The following SLC7A6 variants were observed in gnomAD, a reference collection of about 807,000 sequenced individuals.
SLC7A6 encodes Y+L amino acid transporter 2.
SLC7A6 carries 29 observed loss-of-function variants against 46.6 expected under a neutral mutation model. The observed-to-expected ratio is 0.62, with a 90% CI of 0.46 to 0.85. The LOEUF is 0.85. SLC7A6 is among the 40% of genes least tolerant of loss of function. The probability of loss-of-function intolerance (pLI) is 0.00; values close to 1 mark genes in which losing one functional copy is unlikely to be tolerated. For synonymous variants in SLC7A6, 276 were observed against 257.3 expected, an observed-to-expected ratio of 1.07 and a Z score of -0.70; for missense variants, 527 against 647.6, an observed-to-expected ratio of 0.81 and a Z score of 2.02.
At chr16:68,281,748 G>T (rs116760460) in intron 3 of SLC7A6, among the ~76,000 whole-genome samples, 1 of 152,338 alleles carries the variant, frequency 6.6e-6, no homozygotes, top group African/African-American at 2.4e-5. Flanking sequence ...CAGAAGGGTG[G>T]TGTTTCTGCC....
chr16:68,297,039 G>C (rs986665257), intron 10 of SLC7A6, among the ~76,000 whole-genome samples, 195 bp from the exon 11 acceptor site: 13 of 152,332 alleles, frequency 8.5e-5, no homozygotes, highest in Middle Eastern at 6.8e-3. Context: ...CTGGGAAGAT[G>C]AGTTGTGCAT....
chr16:68,282,741 CT>C (rs2042852112), intron 3 of SLC7A6, among the ~76,000 whole-genome samples: 1 of 152,058 alleles, frequency 6.6e-6, no homozygotes, highest in African/African-American at 2.4e-5. Context: ...CCTCGGCCTG[CT>C]GATTAGCTGG....
intron 4 of SLC7A6, chr16:68,289,988 A>C (rs1174273663): frequency 5.8e-6 from 1 of 171,590 alleles, no homozygotes; most frequent in Non-Finnish European, 1.3e-5. Context: ...TCTTGACATA[A>C]ATAGGTAGAA....
At chr16:68,291,507 G>A in intron 6 of SLC7A6, 51 bp from the exon 7 acceptor site, 2 of 1,596,642 alleles carry the variant, frequency 1.3e-6, no homozygotes, top group Non-Finnish European at 8.6e-7. Flanking sequence ...AGATGCAGGA[G>A]GATTATGAAA....
At chr16:68,297,151 T>G (rs1597013265) in intron 10 of SLC7A6, 83 bp from the exon 11 acceptor site, 1 of 1,304,850 alleles carries the variant, frequency 7.7e-7, no homozygotes, top group East Asian at 2.3e-5. Context: ...GAGGGAGCCA[T>G]AGATGTTACT....
At chr16:68,280,469 G>A (rs2151220132) in intron 3 of SLC7A6, among the ~76,000 whole-genome samples, 1 of 152,202 alleles carries the variant, frequency 6.6e-6, no homozygotes, top group African/African-American at 2.4e-5. Context: ...TGAATTAGTT[G>A]CCAACATTTG....
chr16:68,287,451 C>A, intron 3 of SLC7A6: 1 of 1,335,006 alleles, frequency 7.5e-7, no homozygotes, highest in Non-Finnish European at 9.8e-7. Flanking sequence ...TGAAATCACC[C>A]ATCCCTGGGC....
intron 7 of SLC7A6, among the ~76,000 whole-genome samples, chr16:68,294,023 G>A (rs1193111585): frequency 2.6e-5 from 4 of 152,090 alleles, no homozygotes; most frequent in South Asian, 2.1e-4. Flanking sequence ...TCAGCCTCCC[G>A]AGTAGCTGGG....
In SLC7A6 at chr16:68,274,685, T is replaced by G; in HGVS notation, c.-36-6T>G. 1.2e-6 allele frequency: 2 copies of G among 1,608,018 alleles called. No individual in the cohort carries two copies. Among genetic ancestry groups the G allele is most frequent in the Non-Finnish European group, 1.7e-6 (2 of 1,175,830 alleles). On this transcript the variant is annotated splice_polypyrimidine_tract_variant and splice_region_variant and intron_variant, in intron 2 of 10. Coordinates refer to ENST00000219343, the MANE Select transcript of SLC7A6 (RefSeq NM_003983.6). Reference sequence around the variant, plus strand: ...CCTAGACTGACATACTTGTATTCTTTGCCAGGCCACAGCAAACACAGGTGT... The same window carrying G: ...CCTAGACTGACATACTTGTATTCTTGGCCAGGCCACAGCAAACACAGGTGT...
At chr16:68,286,354 G>A (rs1467741454) in intron 3 of SLC7A6, among the ~76,000 whole-genome samples, 1 of 152,042 alleles carries the variant, frequency 6.6e-6, no homozygotes, top group East Asian at 1.9e-4. Flanking sequence ...AGGAAGTGGG[G>A]GCTGAACTAG....
At position 68,296,350 on chromosome 16, in the gene SLC7A6, C is replaced by A. The variant is rs1165561812; in HGVS notation, c.1120-14C>A. The A allele has an allele frequency of 4.3e-6, 7 of 1,613,694 alleles. No homozygotes were observed. The South Asian group carries it at 7.7e-5, about 18-fold the overall frequency. ...GTGACGATGCTCACCTGTCTCCCCA[C>A]CCCTTTCCCACAGTGCACCATGGCA... On this transcript the variant is annotated splice_polypyrimidine_tract_variant and intron_variant, in intron 8 of 10. Transcript: ENST00000219343.
chr16:68,274,901 A>C lies in SLC7A6; in HGVS notation c.175A>C (p.Ile59Leu), dbSNP rs966353737. 1 of 1,614,072 alleles carries C rather than the reference A, an allele frequency of 6.2e-7. No individual in the cohort carries two copies. Among genetic ancestry groups the C allele is most frequent in the Non-Finnish European group, 8.5e-7 (1 of 1,180,034 alleles). Residue 59 changes from isoleucine (I) to leucine (L), a missense_variant, in exon 3 of 11, where the codon ATC becomes CTC. Coordinates refer to ENST00000219343, the MANE Select transcript of SLC7A6 (RefSeq NM_003983.6). ...NGVSLVVGNM[I>L]GSGIFVSPKG... ...GGTCAGCCTGGTGGTGGGCAACATG[A>C]TCGGCTCAGGGATCTTTGTCTCACC... is the stretch of plus-strand genomic sequence containing the variant.
chr16:68,274,651 AGCTCCT>A, intron 2 of SLC7A6, 34 bp from the exon 3 acceptor site: 1 of 1,550,438 alleles, frequency 6.4e-7, no homozygotes, highest in Non-Finnish European at 8.8e-7. Flanking sequence ...GAGCCTCACC[AGCTCCT>A]GCCCTAGACT....
chr16:68,301,265 C>G lies in SLC7A6; in HGVS notation c.*3937C>G, dbSNP rs1185506330. 1 of 1,613,874 alleles carries G rather than the reference C, an allele frequency of 6.2e-7. No individual in the cohort carries two copies. The highest frequency in any genetic ancestry group is 8.5e-7 in the Non-Finnish European group (1 of 1,179,822). On this transcript the variant is annotated 3_prime_UTR_variant, in exon 11 of 11. Coordinates refer to ENST00000219343, the MANE Select transcript of SLC7A6 (RefSeq NM_003983.6). ...GCATGTGGCAGAACCTCATGGACAT[C>G]ACAAGACCATCAGTCTGAATCCAGG...
At chr16:68,284,669 G>C in intron 3 of SLC7A6, 1 of 984,986 alleles carries the variant, frequency 1.0e-6, no homozygotes. Flanking sequence ...GGTCTGAGGA[G>C]TGTATCAGCT....
In SLC7A6 at chr16:68,296,723, G is replaced by T. The variant is rs1444959678; in HGVS notation, c.1366G>T (p.Gly456Trp). ...TDTINSLIGI[G>W]IALSGVPFYF... Reference sequence around the variant, plus strand: ...CACCATTAATTCCCTCATTGGCATCGGGATTGCCCTTTCTGGAGTCCCTTT... The same window carrying T: ...CACCATTAATTCCCTCATTGGCATCTGGATTGCCCTTTCTGGAGTCCCTTT... Residue 456 changes from glycine to tryptophan, a missense_variant, in exon 10 of 11, where the codon GGG becomes TGG. By Grantham distance (184) the Gly-to-Trp change is radical (BLOSUM62 -2). Coordinates refer to ENST00000219343, the MANE Select transcript of SLC7A6 (RefSeq NM_003983.6). 4 of 1,614,036 alleles carry T rather than the reference G, an allele frequency of 2.5e-6. No homozygotes were observed. Among genetic ancestry groups the T allele is most frequent in the Admixed American group, 1.7e-5 (1 of 60,002 alleles).
In SLC7A6 at chr16:68,300,525, G is replaced by T. The variant is rs2043251633; in HGVS notation, c.*3197G>T. The T allele has an allele frequency of 1.3e-6, 1 of 776,222 alleles. No homozygotes were observed. The highest frequency in any genetic ancestry group is 1.6e-6 in the Non-Finnish European group (1 of 639,034). The allele number at this position is 776,222 out of a possible 1,614,324, so 48.1% of individuals were successfully genotyped here. ...TTTTCCTCCCTTGCCTTAAGTCCTTGGTATTTATAATCAATGCTGAACCTT... is the reference window on the plus strand; with the variant it reads ...TTTTCCTCCCTTGCCTTAAGTCCTTTGTATTTATAATCAATGCTGAACCTT... On this transcript the variant is annotated 3_prime_UTR_variant, in exon 11 of 11. Transcript: ENST00000219343.
rs2151229487 is a variant in SLC7A6, at chr16:68,291,641, A to G, written c.1002A>G (p.Ala334=). Reference sequence around the variant, plus strand: ...TGTCCTGCTTTGGGGGCCTCAATGCATCCATCTTTGCTTCATCAAGGTACT... The same window carrying G: ...TGTCCTGCTTTGGGGGCCTCAATGCGTCCATCTTTGCTTCATCAAGGTACT... ...VALSCFGGLN[A]SIFASSRLFF... The change falls in exon 7 of 11, where the codon GCA becomes GCG. Residue 334 remains alanine, a synonymous_variant. Transcript: ENST00000219343. The G allele has an allele frequency of 1.2e-6, 2 of 1,614,022 alleles. No homozygotes were observed. The highest frequency in any genetic ancestry group is 2.2e-5 in the South Asian group (2 of 91,074).
At chr16:68,278,619 C>G (rs527441325) in intron 3 of SLC7A6, among the ~76,000 whole-genome samples, 1 of 145,286 alleles carries the variant, frequency 6.9e-6, no homozygotes, top group South Asian at 2.2e-4. Flanking sequence ...CAGAGAGCAC[C>G]GGGTTGGGGG....
Sources: allele counts gnomAD v4.1 joint callset (sites outside exome capture counted in the v4.1 genomes callset), GRCh38; gene constraint gnomAD v4.1.1; transcripts MANE v1.5; gene names NCBI Gene and HGNC (gene_info 2026-07-23, HGNC 2026-07-21).